VAT1L: variants seen among roughly 807,000 people sequenced by gnomAD.
The protein encoded by VAT1L is vesicle amine transport 1 like.
A neutral mutation model predicts 44.1 loss-of-function variants in VAT1L; 34 were observed. The observed-to-expected ratio is 0.77, with a 90% CI of 0.59 to 1.03. The LOEUF (loss-of-function observed/expected upper bound fraction) is 1.03, where lower values mean the gene tolerates loss of function less well. Ranked by LOEUF, VAT1L falls within the 50% of genes least tolerant of loss-of-function variation. The pLI is 0.00. For missense variants in VAT1L, 615 were observed against 538.8 expected, an observed-to-expected ratio of 1.14 and a Z score of -1.40; for synonymous variants, 253 against 202.2, an observed-to-expected ratio of 1.25 and a Z score of -2.13.
intron 3 of VAT1L, among the ~76,000 whole-genome samples, chr16:77,828,076 C>A (rs749356824): frequency 6.6e-6 from 1 of 152,098 alleles, no homozygotes; most frequent in Non-Finnish European, 1.5e-5. Context: ...TGGTGTGTGG[C>A]AATTAAAGGT....
chr16:77,939,402 G>A (rs867190385), intron 7 of VAT1L, among the ~76,000 whole-genome samples: 4 of 152,146 alleles, frequency 2.6e-5, no homozygotes, highest in Non-Finnish European at 5.9e-5. Flanking sequence ...GGGCGGGGTG[G>A]GGACGGTGGG....
rs377507276 is a variant in VAT1L, at chr16:77,977,720, G to A, written c.*25G>A. ...ACTGAGGACCCAGGTGGGAGAATGT[G>A]AAGGATGGTTTGGAAGATGAGGACC... On this transcript the variant is annotated 3_prime_UTR_variant, in exon 9 of 9. Coordinates refer to ENST00000302536, the MANE Select transcript of VAT1L (RefSeq NM_020927.3). 2.5e-6 allele frequency: 4 copies of A among 1,608,700 alleles called. No individual in the cohort carries two copies. The highest frequency in any genetic ancestry group is 2.2e-5 in the East Asian group (1 of 44,808).
In VAT1L at chr16:77,862,903, CTT is replaced by C; in HGVS notation, c.722+16_722+17del. On this transcript the variant is annotated intron_variant, in intron 4 of 8. Coordinates refer to ENST00000302536, the MANE Select transcript of VAT1L (RefSeq NM_020927.3). ...AAGAAGTTAAAAGGTAAGATGTTTGCTTTTGAAAAAGCACCAGGCTGGCCCTT... is the reference window on the plus strand; with the variant it reads ...AAGAAGTTAAAAGGTAAGATGTTTGCTTGAAAAAGCACCAGGCTGGCCCTT... 6.2e-7 allele frequency: 1 copy of C among 1,612,730 alleles called. No individual in the cohort carries two copies. Among genetic ancestry groups the C allele is most frequent in the Non-Finnish European group, 8.5e-7 (1 of 1,179,482 alleles).
intron 7 of VAT1L, among the ~76,000 whole-genome samples, chr16:77,956,236 A>T (rs780084465): frequency 5.3e-5 from 8 of 152,152 alleles, no homozygotes; most frequent in Non-Finnish European, 7.4e-5. Context: ...AAAAATTTTA[A>T]AAATTTTTAA....
chr16:77,852,251 C>T (rs1567487795), intron 3 of VAT1L, among the ~76,000 whole-genome samples: 2 of 152,192 alleles, frequency 1.3e-5, no homozygotes, highest in South Asian at 2.1e-4. Context: ...TGTGTCATCC[C>T]GTAGGCCCGG....
intron 1 of VAT1L, among the ~76,000 whole-genome samples, chr16:77,797,085 A>G (rs1438451422): frequency 2.0e-5 from 3 of 151,150 alleles, no homozygotes; most frequent in Admixed American, 6.6e-5. Context: ...TAGTATATCC[A>G]CTCAACAAAA....
At chr16:77,965,043 G>A (rs2018208443) in intron 7 of VAT1L, among the ~76,000 whole-genome samples, 1 of 152,008 alleles carries the variant, frequency 6.6e-6, no homozygotes, top group Non-Finnish European at 1.5e-5. Context: ...GCCCGCCTGG[G>A]CCTCCCAAAG....
chr16:77,861,718 G>A (rs2142442090), intron 3 of VAT1L, among the ~76,000 whole-genome samples: 1 of 152,328 alleles, frequency 6.6e-6, no homozygotes, highest in South Asian at 2.1e-4. Flanking sequence ...CACTTGACTG[G>A]AAGAAGCCAG....
At chr16:77,888,795 C>G (rs1020020302) in intron 7 of VAT1L, among the ~76,000 whole-genome samples, 1 of 152,188 alleles carries the variant, frequency 6.6e-6, no homozygotes, top group Non-Finnish European at 1.5e-5. Flanking sequence ...AGAACCACTG[C>G]TTTTAAAAGA....
rs116176797 is a variant in VAT1L, at chr16:77,865,326, G to A, written c.722+2436G>A. ...GCTGTGGTCTGGAAAATGAACTATCGTTGTCCCTTCAGTCATTGTTTCTTT... is the reference window on the plus strand; with the variant it reads ...GCTGTGGTCTGGAAAATGAACTATCATTGTCCCTTCAGTCATTGTTTCTTT... On this transcript the variant is annotated intron_variant, in intron 4 of 8. Coordinates refer to ENST00000302536, the MANE Select transcript of VAT1L (RefSeq NM_020927.3). Among the ~76,000 whole-genome samples the A allele has an allele frequency of 1.9e-3, 289 of 152,158 alleles. 1 individual carries two copies. The highest frequency in any genetic ancestry group is 6.8e-3 in the Middle Eastern group (2 of 294).
At chr16:77,953,711 G>C (rs1052578699) in intron 7 of VAT1L, among the ~76,000 whole-genome samples, 1 of 151,986 alleles carries the variant, frequency 6.6e-6, no homozygotes, top group African/African-American at 2.4e-5. Flanking sequence ...GCCCAAGCTG[G>C]TCTGGAACTC....
chr16:77,902,640 AGATCAATCAATC>A lies in VAT1L; in HGVS notation c.1077+17839_1077+17850del, dbSNP rs1367968816. Among the ~76,000 whole-genome samples, 5 of 151,242 alleles carry A rather than the reference AGATCAATCAATC, an allele frequency of 3.3e-5. No individual in the cohort carries two copies. The East Asian group carries it at 9.7e-4, about 29-fold the overall frequency. ...CCAGAAGAAGTGCTAAAAAGAAAATAGATCAATCAATCAATCAATCAATGGAATAAAAAGGCC... is the reference window on the plus strand; with the variant it reads ...CCAGAAGAAGTGCTAAAAAGAAAATAAATCAATCAATGGAATAAAAAGGCC... On this transcript the variant is annotated intron_variant, in intron 7 of 8. Coordinates refer to ENST00000302536, the MANE Select transcript of VAT1L (RefSeq NM_020927.3).
At chr16:77,942,467 G>A (rs2017899554) in intron 7 of VAT1L, among the ~76,000 whole-genome samples, 1 of 151,994 alleles carries the variant, frequency 6.6e-6, no homozygotes, top group South Asian at 2.1e-4. Flanking sequence ...GCATACAATT[G>A]TGAAGAGAGG....
intron 2 of VAT1L, among the ~76,000 whole-genome samples, chr16:77,823,374 G>C (rs1442844097): frequency 6.6e-6 from 1 of 152,062 alleles, no homozygotes; most frequent in Non-Finnish European, 1.5e-5. Flanking sequence ...CATAGCACTT[G>C]TCATATGAAA....
intron 3 of VAT1L, among the ~76,000 whole-genome samples, chr16:77,857,284 T>A (rs1008529719): frequency 6.6e-6 from 1 of 152,192 alleles, no homozygotes; most frequent in African/African-American, 2.4e-5. Flanking sequence ...TCCACAAATG[T>A]TATTGAGTCC....
intron 3 of VAT1L, among the ~76,000 whole-genome samples, chr16:77,838,506 C>T (rs1254161644): frequency 1.3e-5 from 2 of 152,092 alleles, no homozygotes; most frequent in South Asian, 2.1e-4. Flanking sequence ...CTTGCACTCA[C>T]CCCCCTGCTC....
At chr16:77,949,586 G>A (rs568435664) in intron 7 of VAT1L, among the ~76,000 whole-genome samples, 1 of 152,264 alleles carries the variant, frequency 6.6e-6, no homozygotes, top group South Asian at 2.1e-4. Flanking sequence ...CATTCTAGTA[G>A]TTCCTGCCAG....
intron 7 of VAT1L, among the ~76,000 whole-genome samples, chr16:77,902,987 A>AG (rs2017400574): frequency 6.6e-6 from 1 of 151,480 alleles, no homozygotes; most frequent in African/African-American, 2.4e-5. Context: ...AAAAAAAAAA[A>AG]AAAGAAAGAA....
intron 7 of VAT1L, among the ~76,000 whole-genome samples, chr16:77,953,069 AAGAG>A (rs907154685): frequency 2.6e-4 from 40 of 152,164 alleles, no homozygotes; most frequent in African/African-American, 8.4e-4. Flanking sequence ...AGAAGGAAAA[AAGAG>A]AGAGAGAATG....
Sources: gnomAD v4.1 joint callset for allele counts (sites outside exome capture counted in the v4.1 genomes callset) on GRCh38, gnomAD v4.1.1 for gene constraint, MANE v1.5 for transcripts, NCBI Gene and HGNC (gene_info 2026-07-23, HGNC 2026-07-21) for gene names.